IPPK: variants seen among roughly 807,000 people sequenced by gnomAD.
The protein encoded by IPPK is inositol-pentakisphosphate 2-kinase.
IPPK carries 22 observed loss-of-function variants against 64.6 expected under a neutral mutation model. The ratio of observed to expected loss-of-function variants is 0.34; its 90% CI spans 0.24 to 0.49. The LOEUF (loss-of-function observed/expected upper bound fraction) is 0.49. Among genes scored for constraint, IPPK ranks in the 20% least tolerant of loss-of-function variants. The pLI, the probability that IPPK is intolerant of heterozygous loss-of-function variation, is 0.99. For missense variants in IPPK, 532 were observed against 630.7 expected (o/e 0.84, Z 1.68); for synonymous variants, 262 against 247.2 (o/e 1.06, Z -0.56).
At position 92,652,627 on chromosome 9, in the gene IPPK, GCTGAACGACCTC is replaced by G; in HGVS notation, c.226_237del (p.Glu76_Gln79del). 1 of 1,568,102 alleles carries G rather than the reference GCTGAACGACCTC, an allele frequency of 6.4e-7. No homozygotes were observed. Among genetic ancestry groups the G allele is most frequent in the Non-Finnish European group, 8.7e-7 (1 of 1,146,182 alleles). On this transcript the variant is annotated inframe_deletion and splice_region_variant, in exon 4 of 13. Transcript: ENST00000287996. ...AGCTGTTTCACAAACTCTAAAGGTA[GCTGAACGACCTC>G]CTGTAAGAAAATACATGAAATTCTC...
chr9:92,661,280 T>C (rs1262158136), intron 1 of IPPK, among the ~76,000 whole-genome samples: 1 of 152,180 alleles, frequency 6.6e-6, no homozygotes, highest in Non-Finnish European at 1.5e-5. Flanking sequence ...TTGATCAAGA[T>C]CAAGGTCTTG....
intron 5 of IPPK, among the ~76,000 whole-genome samples, chr9:92,648,711 G>A (rs1435166359): frequency 6.6e-6 from 1 of 152,222 alleles, no homozygotes; most frequent in Non-Finnish European, 1.5e-5. Context: ...GGATCAGGAG[G>A]CATGAGCTCA....
intron 1 of IPPK, among the ~76,000 whole-genome samples, chr9:92,664,079 CAGCTCT>C (rs1459210741): frequency 6.6e-6 from 1 of 152,200 alleles, no homozygotes; most frequent in Non-Finnish European, 1.5e-5. Flanking sequence ...GCTCCAGCTC[CAGCTCT>C]GTCCCAGCCA....
chr9:92,655,898 A>C lies in IPPK; in HGVS notation c.225+558T>G, dbSNP rs576083575. Reference sequence around the variant, plus strand: ...GCCTGTCCAGGTCTCAAAACTACAGATCTGCTCAGAGAACAGGCCCAGGCA... The same window carrying C: ...GCCTGTCCAGGTCTCAAAACTACAGCTCTGCTCAGAGAACAGGCCCAGGCA... On this transcript the variant is annotated intron_variant, in intron 3 of 12. Transcript: ENST00000287996. Among the ~76,000 whole-genome samples, 9 of 152,230 alleles carry C rather than the reference A, an allele frequency of 5.9e-5. No individual in the cohort carries two copies. The South Asian group carries it at 1.9e-3, about 32-fold the overall frequency.
intron 11 of IPPK, among the ~76,000 whole-genome samples, chr9:92,629,119 C>G (rs1851786914): frequency 6.6e-6 from 1 of 152,066 alleles, no homozygotes; most frequent in Non-Finnish European, 1.5e-5. Flanking sequence ...TGTCGGACCT[C>G]TACCTGAAAT....
rs781621686 is a variant in IPPK at position 92,640,742 on chromosome 9, G to C, written c.604C>G (p.Gln202Glu). The change falls in exon 8 of 13, where the codon CAG (glutamine) becomes GAG (glutamate). Residue 202 changes from glutamine to glutamate, a missense_variant. Gln to Glu is a conservative substitution (Grantham distance 29). Transcript: ENST00000287996. The part of the protein sequence containing the change: ...RMHFALKSLL[Q>E]EAQNNLKIFK... ...ATCTTCAAGTTGTTCTGTGCCTCCTGCAGCAAACTCTTCAAGGCAAAGTGC... is the reference window on the plus strand; with the variant it reads ...ATCTTCAAGTTGTTCTGTGCCTCCTCCAGCAAACTCTTCAAGGCAAAGTGC... 13 of 1,612,842 alleles carry C rather than the reference G, an allele frequency of 8.1e-6. 1 individual carries two copies. The South Asian group carries it at 1.4e-4, about 18-fold the overall frequency.
At chr9:92,646,485 G>C (rs1852152127) in intron 6 of IPPK, among the ~76,000 whole-genome samples, 1 of 152,160 alleles carries the variant, frequency 6.6e-6, no homozygotes. Context: ...TCACAAATGT[G>C]TAAAAAGTAA....
chr9:92,658,925 GA>G (rs1184249511), intron 1 of IPPK, among the ~76,000 whole-genome samples: 1 of 152,244 alleles, frequency 6.6e-6, no homozygotes, highest in African/African-American at 2.4e-5. Flanking sequence ...TTATCTTAAG[GA>G]AAGAAATAAA....
At chr9:92,657,348 C>CA (rs548435995) in intron 2 of IPPK, among the ~76,000 whole-genome samples, 5,959 of 139,416 alleles carry the variant, frequency 0.043, 164 homozygotes, top group Middle Eastern at 0.081. Context: ...GACTCTGTCT[C>CA]AAAAAAAAAA....
rs537119928 is a variant in IPPK, at chr9:92,648,857, G to A, written c.414+596C>T. Among the ~76,000 whole-genome samples, 21 of 152,326 alleles carry A rather than the reference G, an allele frequency of 1.4e-4. No individual in the cohort carries two copies. In the East Asian group the frequency reaches 3.9e-3, roughly 28 times the overall value. ...GAAGCAGAGAGCTGAAGCAAGGGGG[G>A]CCCTGGCCCATCCAGCCCCCACTGC... On this transcript the variant is annotated intron_variant, in intron 5 of 12. Transcript: ENST00000287996.
chr9:92,621,843 C>T (rs979520232), intron 11 of IPPK, among the ~76,000 whole-genome samples: 1 of 152,150 alleles, frequency 6.6e-6, no homozygotes, highest in African/African-American at 2.4e-5. Flanking sequence ...TTCCAGGCAA[C>T]AGAGAAAGAG....
intron 12 of IPPK, chr9:92,618,725 A>G (rs1484768199): frequency 5.5e-6 from 2 of 365,152 alleles, no homozygotes; most frequent in Non-Finnish European, 1.1e-5. Flanking sequence ...CATATTGGAA[A>G]GTAAACAATT....
chr9:92,666,139 A>G (rs912998383), intron 1 of IPPK, among the ~76,000 whole-genome samples: 4 of 152,146 alleles, frequency 2.6e-5, no homozygotes, highest in Non-Finnish European at 5.9e-5. Flanking sequence ...CACCTCTGTC[A>G]GTAAGAAGGA....
At chr9:92,634,320 C>A in intron 11 of IPPK, 66 bp downstream of exon 11, 1 of 1,182,368 alleles carries the variant, frequency 8.5e-7, no homozygotes, top group Non-Finnish European at 1.2e-6. Flanking sequence ...ATACAAAAAA[C>A]AAAAAAACAG....
chr9:92,636,716 G>A lies in IPPK; in HGVS notation c.916+1285C>T, dbSNP rs150848494. ...GATTTATGCTAGTTAAGTAAAGAAAGTCAAGTTACAAAATGACATGTAGAG... is the reference window on the plus strand; with the variant it reads ...GATTTATGCTAGTTAAGTAAAGAAAATCAAGTTACAAAATGACATGTAGAG... On this transcript the variant is annotated intron_variant, in intron 9 of 12. Transcript: ENST00000287996. Among the ~76,000 whole-genome samples, 1,261 of 152,188 alleles carry A rather than the reference G, an allele frequency of 8.3e-3. 17 individuals carry two copies. The highest frequency in any genetic ancestry group is 0.028 in the African/African-American group (1,170 of 41,516).
rs1030498033 is a variant in IPPK, at chr9:92,643,331, A to C, written c.505-521T>G. 1.3e-3 allele frequency among the ~76,000 whole-genome samples: 196 copies of C among 152,378 alleles called. 2 individuals are homozygous for C. The highest frequency in any genetic ancestry group is 4.5e-3 in the African/African-American group (187 of 41,590). ...TAGCACAGGGCAAAAAGGTACAGACACAAGAATGTCCACTGCGGCCTTACT... is the reference window on the plus strand; with the variant it reads ...TAGCACAGGGCAAAAAGGTACAGACCCAAGAATGTCCACTGCGGCCTTACT... On this transcript the variant is annotated intron_variant, in intron 6 of 12. Coordinates refer to ENST00000287996, the MANE Select transcript of IPPK (RefSeq NM_022755.6).
rs144056275 is a variant in IPPK, at chr9:92,635,531, C to T, written c.917-223G>A. Among the ~76,000 whole-genome samples, 1 of 152,276 alleles carries T rather than the reference C, an allele frequency of 6.6e-6. No individual in the cohort carries two copies. The highest frequency in any genetic ancestry group is 1.5e-5 in the Non-Finnish European group (1 of 68,010). Reference sequence around the variant, plus strand: ...CGTGCCTGGACCACACTGGATGCACCAGGCCAAGCACAAAGGAGGGAGCAA... The same window carrying T: ...CGTGCCTGGACCACACTGGATGCACTAGGCCAAGCACAAAGGAGGGAGCAA... On this transcript the variant is annotated intron_variant, in intron 9 of 12. Transcript: ENST00000287996. The surrounding 1 kb of genome is among the most constrained non-coding windows in gnomAD (Gnocchi z 4.4).
rs1000777426 is a variant in IPPK, at chr9:92,635,803, A to G, written c.917-495T>C. On this transcript the variant is annotated intron_variant, in intron 9 of 12. Coordinates refer to ENST00000287996, the MANE Select transcript of IPPK (RefSeq NM_022755.6). The surrounding 1 kb of genome is among the most constrained non-coding windows in gnomAD (Gnocchi z 4.4). The stretch of plus-strand genomic sequence containing the variant: ...CTCGACTCATTGCAACTGCAAGGCA[A>G]GGAATTTCTAAGATCCTGCTGACAT... Among the ~76,000 whole-genome samples the G allele has an allele frequency of 5.9e-5, 9 of 152,000 alleles. No homozygotes were observed. The highest frequency in any genetic ancestry group is 1.3e-4 in the Non-Finnish European group (9 of 67,982).
intron 11 of IPPK, chr9:92,619,880 T>TTGGAAGGAAAAGCAGTAAGCCACC (rs1564026678): frequency 2.1e-5 from 8 of 381,290 alleles, no homozygotes; most frequent in Non-Finnish European, 4.0e-5. Flanking sequence ...CAGTCGGCCT[T>TTGGAAGGAAAAGCAGTAAGCCACC]TGGAAGGAAA....
Sources: allele counts gnomAD v4.1 joint callset (sites outside exome capture counted in the v4.1 genomes callset), GRCh38; gene constraint gnomAD v4.1.1; non-coding constraint Gnocchi (gnomAD v3.1); transcripts MANE v1.5; gene names NCBI Gene and HGNC (gene_info 2026-07-23, HGNC 2026-07-21).